The following SOX6 variants were observed in gnomAD, a reference collection of about 807,000 sequenced individuals.
SOX6 encodes the protein SRY-box transcription factor 6, also known as transcription factor SOX-6.
In SOX6, 11 loss-of-function variants were observed where a neutral mutation model predicts 97.8. The ratio of observed to expected loss-of-function variants is 0.11; its 90% confidence interval spans 0.07 to 0.19. The LOEUF (loss-of-function observed/expected upper bound fraction) is 0.19, where lower values mean the gene tolerates loss of function less well. Among genes scored for constraint, SOX6 ranks in the 10% least tolerant of loss-of-function variants. The pLI is 1.00. For synonymous variants in SOX6, 360 were observed against 371.4 expected, an observed-to-expected ratio of 0.97 and a Z score of 0.35; for missense variants, 810 against 1,039.5, an observed-to-expected ratio of 0.78 and a Z score of 3.04.
At chr11:16,361,526 T>C (rs1857210969), upstream of SOX6, among the ~76,000 whole-genome samples, 1 of 152,164 alleles carries the variant, frequency 6.6e-6, no homozygotes, top group African/African-American at 2.4e-5. Context: ...GTGTGTGCCA[T>C]TTTTGCATAA....
chr11:16,705,446 G>A (rs919276738), intron 3 of SOX6, among the ~76,000 whole-genome samples: 2 of 151,956 alleles, frequency 1.3e-5, no homozygotes, highest in Non-Finnish European at 2.9e-5. Context: ...GCAATATAGA[G>A]AGACCTCGTC....
At chr11:16,228,946 G>T (rs888894488) in intron 4 of SOX6, among the ~76,000 whole-genome samples, 3 of 152,054 alleles carry the variant, frequency 2.0e-5, no homozygotes, top group Non-Finnish European at 2.9e-5. Flanking sequence ...GAAACCACTG[G>T]TTTTTTAAGT....
intron 6 of SOX6, among the ~76,000 whole-genome samples, chr11:16,170,032 TCAAGAATGCTTCCTC>T (rs1056367504): frequency 6.6e-6 from 1 of 152,070 alleles, no homozygotes; most frequent in Non-Finnish European, 1.5e-5. Context: ...TCCCCTTTCT[TCAAGAATGCTTCCTC>T]CTGTGTTGGT....
chr11:16,676,152 G>T (rs138662665), intron 3 of SOX6, among the ~76,000 whole-genome samples: 1,690 of 151,386 alleles, frequency 0.011, 24 homozygotes, highest in African/African-American at 0.039. Context: ...TCAGTTTCAT[G>T]AATTCTTTCT....
intron 1 of SOX6, among the ~76,000 whole-genome samples, chr11:16,425,434 C>T (rs986498482): frequency 6.6e-6 from 1 of 152,166 alleles, no homozygotes. Context: ...CTTACCACTC[C>T]TATTCAGCGT....
At chr11:16,136,119 A>G (rs569403037) in intron 6 of SOX6, among the ~76,000 whole-genome samples, 1 of 152,258 alleles carries the variant, frequency 6.6e-6, no homozygotes, top group South Asian at 2.1e-4. Flanking sequence ...CCCAGGTTCA[A>G]GAAATTCCCC....
At chr11:16,526,184 C>G (rs1294330078) in intron 4 of SOX6, among the ~76,000 whole-genome samples, 2 of 152,292 alleles carry the variant, frequency 1.3e-5, no homozygotes, top group Non-Finnish European at 2.9e-5. Flanking sequence ...CACATGCACA[C>G]ATATGTTTCT....
intron 4 of SOX6, among the ~76,000 whole-genome samples, chr11:16,593,820 T>G (rs2133973885): frequency 6.6e-6 from 1 of 152,258 alleles, no homozygotes; most frequent in Admixed American, 6.5e-5. Context: ...TTGTAAATGG[T>G]AGAACAAAAT....
At chr11:16,182,410 GA>G (rs1851369775) in intron 6 of SOX6, among the ~76,000 whole-genome samples, 1 of 151,726 alleles carries the variant, frequency 6.6e-6, no homozygotes, top group Non-Finnish European at 1.5e-5. Flanking sequence ...GGGATCTACA[GA>G]AAAATGTAGG....
At chr11:16,031,070 C>T (rs1269728046) in intron 12 of SOX6, among the ~76,000 whole-genome samples, 1 of 152,120 alleles carries the variant, frequency 6.6e-6, no homozygotes, top group Non-Finnish European at 1.5e-5. Context: ...ATTCGTAAGG[C>T]ACAATCATCC....
intron 3 of SOX6, among the ~76,000 whole-genome samples, chr11:16,302,943 C>T (rs972354875): frequency 1.3e-4 from 20 of 151,690 alleles, no homozygotes. Flanking sequence ...ACCTTATTTA[C>T]ATGTGTTTCC....
At chr11:16,063,472 G>T (rs1236800327) in intron 9 of SOX6, among the ~76,000 whole-genome samples, 2 of 118,428 alleles carry the variant, frequency 1.7e-5, no homozygotes, top group Non-Finnish European at 3.5e-5. Flanking sequence ...GTGGTGTCAC[G>T]ATGTAACTAT....
intron 3 of SOX6, among the ~76,000 whole-genome samples, chr11:16,685,276 A>G (rs917589855): frequency 2.0e-5 from 3 of 152,250 alleles, no homozygotes; most frequent in Non-Finnish European, 4.4e-5. Context: ...ACTCTCCAGC[A>G]TTAATTCAAA....
chr11:16,462,772 C>T (rs1268676802), intron 1 of SOX6, among the ~76,000 whole-genome samples: 1 of 152,180 alleles, frequency 6.6e-6, no homozygotes, highest in East Asian at 1.9e-4. Flanking sequence ...AGGAAAAAAA[C>T]TCAGCAGGGC....
chr11:16,233,350 TC>T (rs1352941409), intron 4 of SOX6, among the ~76,000 whole-genome samples: 1 of 152,186 alleles, frequency 6.6e-6, no homozygotes, highest in Non-Finnish European at 1.5e-5. Flanking sequence ...CATAAATGAA[TC>T]AGCAAGAGTT....
At chr11:16,139,411 CTCTTT>C (rs1478294751) in intron 6 of SOX6, among the ~76,000 whole-genome samples, 11 of 152,106 alleles carry the variant, frequency 7.2e-5, no homozygotes, top group South Asian at 4.1e-4. Context: ...GCTTTCTCTT[CTCTTT>C]TATTTTTTCA....
At chr11:16,399,065 CCTCT>C (rs1180771597) in intron 1 of SOX6, among the ~76,000 whole-genome samples, 10 of 151,220 alleles carry the variant, frequency 6.6e-5, no homozygotes, top group African/African-American at 2.4e-4. Context: ...TTTTTCTTGG[CCTCT>C]CTACCACTTC....
chr11:16,094,707 C>T (rs987360810), intron 9 of SOX6, among the ~76,000 whole-genome samples: 12 of 152,010 alleles, frequency 7.9e-5, no homozygotes, highest in African/African-American at 2.9e-4. Context: ...AAATGTGGTA[C>T]TCACTCTACA....
rs988663649 is a variant in SOX6 at position 16,074,263 on chromosome 11, A to T, written c.1102-18362T>A. 2.6e-5 allele frequency among the ~76,000 whole-genome samples: 4 copies of T among 152,168 alleles called. No homozygotes were observed. The South Asian group carries it at 6.2e-4, about 24-fold the overall frequency. On this transcript the variant is annotated intron_variant, in intron 9 of 15. Transcript: ENST00000683767. ...AATTAGAAATTACAAAGGGGACACT[A>T]CCACTGATGATACAAAATAGAGAAA...
Sources: gnomAD v4.1 joint callset for allele counts (sites outside exome capture counted in the v4.1 genomes callset) on GRCh38, gnomAD v4.1.1 for gene constraint, MANE v1.5 for transcripts, NCBI Gene and HGNC (gene_info 2026-07-23, HGNC 2026-07-21) for gene names.